KCNMB3: variants seen among roughly 807,000 people sequenced by gnomAD.
KCNMB3 encodes the protein potassium calcium-activated channel subfamily M regulatory beta subunit 3.
Under a neutral mutation model 11.9 loss-of-function variants are expected in KCNMB3, and 18 were observed. The observed-to-expected ratio is 1.51, with a 90% confidence interval of 1.04 to 2.23. KCNMB3 has a LOEUF of 2.23. Ranked by LOEUF, KCNMB3 falls within the 30% of genes most tolerant of loss-of-function variation. KCNMB3 has a pLI of 0.00. For synonymous variants in KCNMB3, 78 were observed against 119.2 expected, an observed-to-expected ratio of 0.65 and a Z score of 2.25; for missense variants, 247 against 329.4, an observed-to-expected ratio of 0.75 and a Z score of 1.94.
chr3:179,266,967 G>T, exon 1 of KCNMB3: 1 of 1,269,978 alleles, frequency 7.9e-7, no homozygotes, highest in Admixed American at 3.7e-5. Context: ...TGCGTGGTTT[G>T]CTGCAGCCGA....
chr3:179,263,493 G>T (rs149763097), intron 1 of KCNMB3, among the ~76,000 whole-genome samples: 1,885 of 152,064 alleles, frequency 0.012, 46 homozygotes, highest in African/African-American at 0.042. Flanking sequence ...CCGAGGAGGC[G>T]CGGAGAGCGA....
At chr3:179,261,292 C>T (rs1236529935) in intron 1 of KCNMB3, 2 of 1,271,046 alleles carry the variant, frequency 1.6e-6, no homozygotes, top group Non-Finnish European at 2.0e-6. Context: ...GCTCGGCCCG[C>T]TCCACCCGGC....
intron 1 of KCNMB3, among the ~76,000 whole-genome samples, chr3:179,263,416 G>T (rs895532692): frequency 6.6e-6 from 1 of 152,352 alleles, no homozygotes; most frequent in Middle Eastern, 3.4e-3. Flanking sequence ...CAAGCTGAGG[G>T]AGCCGGCTCT....
rs1309307844 is a variant in KCNMB3, at chr3:179,250,932, G to A, written c.59C>T (p.Thr20Ile). 3.1e-6 allele frequency: 5 copies of A among 1,614,138 alleles called. No individual in the cohort carries two copies. The highest frequency in any genetic ancestry group is 1.1e-5 in the South Asian group (1 of 91,068). The part of the protein sequence containing the change: ...AVSPSPFPQR[T>I]AFPASGKKRE... ...CTTCTTCCCTGAGGCAGGAAAGGCT[G>A]TCCTTTGGGGAAAGGGAGAAGGAGA... Residue 20 changes from threonine (T) to isoleucine (I), a missense_variant, in exon 1 of 3, where the codon ACA (threonine) becomes ATA (isoleucine). Physicochemically the swap from Thr to Ile is moderately conservative, Grantham distance 89. Around this residue, in one of 2 missense-constraint regions of KCNMB3, gnomAD observed 160 missense variants for 157.5 expected, o/e 1.02. Coordinates refer to ENST00000392685, the MANE Select transcript of KCNMB3 (RefSeq NM_171830.2).
chr3:179,249,598 G>A (rs569982933), intron 1 of KCNMB3, among the ~76,000 whole-genome samples: 30 of 152,048 alleles, frequency 2.0e-4, no homozygotes, highest in Admixed American at 1.7e-3. Flanking sequence ...GCTTGAATTC[G>A]GGAGGCAGAG....
intron 1 of KCNMB3, 88 bp from the exon 2 acceptor site, chr3:179,244,781 G>A (rs1725581796): frequency 8.9e-7 from 1 of 1,121,622 alleles, no homozygotes; most frequent in Non-Finnish European, 1.3e-6. Context: ...TGTACACAAT[G>A]CCCAAGGCAT....
upstream of KCNMB3, among the ~76,000 whole-genome samples, chr3:179,254,935 C>A (rs1725963853): frequency 6.6e-6 from 1 of 152,164 alleles, no homozygotes; most frequent in Non-Finnish European, 1.5e-5. Flanking sequence ...GAGGCTAAGG[C>A]AGGTGGATCA....
downstream of KCNMB3, chr3:179,242,711 A>G: frequency 1.0e-6 from 1 of 977,318 alleles, no homozygotes; most frequent in Non-Finnish European, 1.4e-6. Flanking sequence ...GGGATTAGAA[A>G]AGATGGTGAA....
intron 2 of KCNMB3, among the ~76,000 whole-genome samples, chr3:179,243,517 A>T (rs1344798585): frequency 6.6e-6 from 1 of 152,210 alleles, no homozygotes; most frequent in Non-Finnish European, 1.5e-5. Flanking sequence ...GTTATATGAC[A>T]TTGCAGGAGA....
At chr3:179,260,145 T>A in intron 1 of KCNMB3, 1 of 1,608,642 alleles carries the variant, frequency 6.2e-7, no homozygotes, top group Non-Finnish European at 8.5e-7. Flanking sequence ...GTCTGCCTGC[T>A]CTCCAACCTG....
intron 1 of KCNMB3, among the ~76,000 whole-genome samples, chr3:179,258,712 G>C (rs1269248328): frequency 6.6e-6 from 1 of 152,182 alleles, no homozygotes; most frequent in Admixed American, 6.5e-5. Context: ...AAGGCAAATG[G>C]TAAATGCTTC....
At chr3:179,262,338 G>T (rs777749721) in intron 1 of KCNMB3, among the ~76,000 whole-genome samples, 3 of 152,164 alleles carry the variant, frequency 2.0e-5, no homozygotes, top group African/African-American at 7.2e-5. Context: ...GAATGAAGCC[G>T]CGGACCTTCG....
At chr3:179,262,525 A>G (rs1726250575) in intron 1 of KCNMB3, among the ~76,000 whole-genome samples, 1 of 152,224 alleles carries the variant, frequency 6.6e-6, no homozygotes, top group East Asian at 1.9e-4. Flanking sequence ...GCAAAGAGCA[A>G]AGGAACAAAT....
chr3:179,264,407 T>G (rs1490166921), intron 1 of KCNMB3, among the ~76,000 whole-genome samples: 1 of 152,206 alleles, frequency 6.6e-6, no homozygotes, highest in African/African-American at 2.4e-5. Flanking sequence ...TATGATCTAG[T>G]TTGCTTTCTA....
upstream of KCNMB3, among the ~76,000 whole-genome samples, chr3:179,253,067 TA>T (rs1401005719): frequency 4.6e-5 from 7 of 152,174 alleles, no homozygotes; most frequent in Admixed American, 4.6e-4. Context: ...ACAGATTGAT[TA>T]AAAGAAAGTT....
chr3:179,250,600 G>T, intron 1 of KCNMB3, 143 bp downstream of exon 1: 2 of 853,678 alleles, frequency 2.3e-6, no homozygotes, highest in Non-Finnish European at 1.8e-6. Context: ...CACTGACAGC[G>T]GAAGAGGAAT....
chr3:179,259,721 T>G, intron 1 of KCNMB3: 1 of 1,588,698 alleles, frequency 6.3e-7, no homozygotes, highest in South Asian at 1.2e-5. Flanking sequence ...TCCTCTTCTT[T>G]TTCTTTTTCT....
chr3:179,251,070 G>C lies in KCNMB3; in HGVS notation c.-80C>G. 1 of 1,614,210 alleles carries C rather than the reference G, an allele frequency of 6.2e-7. No homozygotes were observed. The highest frequency in any genetic ancestry group is 8.5e-7 in the Non-Finnish European group (1 of 1,180,022). On this transcript the variant is annotated 5_prime_UTR_variant, in exon 1 of 3. Transcript: ENST00000392685. Reference sequence around the variant, plus strand: ...GTGAGCAGGATGAATGCAACAAAATGAAATCCCAGTTCAGAGCTTGGTGAA... The same window carrying C: ...GTGAGCAGGATGAATGCAACAAAATCAAATCCCAGTTCAGAGCTTGGTGAA...
At chr3:179,266,747 T>A in exon 1 of KCNMB3, 1 of 1,612,360 alleles carries the variant, frequency 6.2e-7, no homozygotes, top group Non-Finnish European at 8.5e-7. Context: ...CCCTTTCACC[T>A]GAGTCATGCC....
Sources: gnomAD v4.1 joint callset for allele counts (sites outside exome capture counted in the v4.1 genomes callset) on GRCh38, gnomAD v4.1.1 for gene constraint, gnomAD v4.1.1 regional missense constraint, MANE v1.5 for transcripts, NCBI Gene and HGNC (gene_info 2026-07-23, HGNC 2026-07-21) for gene names.